Variants in COL4A2 observed in about 807,000 individuals in gnomAD.
The protein encoded by COL4A2 is collagen type IV alpha 2 chain, also known as collagen alpha-2(IV) chain.
In COL4A2, 99 loss-of-function variants were observed where a neutral mutation model predicts 200.2. The ratio of observed to expected loss-of-function variants is 0.49; its 90% confidence interval spans 0.42 to 0.58. COL4A2 has a LOEUF of 0.58. Ranked by LOEUF, COL4A2 falls within the 20% of genes least tolerant of loss-of-function variation. COL4A2 has a pLI of 0.00. For missense variants in COL4A2, 1,950 were observed against 2,314.1 expected, an observed-to-expected ratio of 0.84 and a Z score of 3.23; for synonymous variants, 897 against 900.6, an observed-to-expected ratio of 1.00 and a Z score of 0.07.
At chr13:110,427,726 CAA>C (rs1246033655) in intron 6 of COL4A2, among the ~76,000 whole-genome samples, 5 of 152,210 alleles carry the variant, frequency 3.3e-5, no homozygotes, top group Admixed American at 6.5e-5. Context: ...AAGATGCCCA[CAA>C]ATTTAGCCTG....
chr13:110,347,058 G>A (rs887425591), intron 3 of COL4A2, among the ~76,000 whole-genome samples: 5 of 152,174 alleles, frequency 3.3e-5, no homozygotes, highest in Admixed American at 6.5e-5. Context: ...CCTGCTTTTC[G>A]CCTCTAGAAA....
chr13:110,319,322 T>A (rs1461726884), intron 3 of COL4A2, among the ~76,000 whole-genome samples: 2 of 152,200 alleles, frequency 1.3e-5, no homozygotes, highest in African/African-American at 4.8e-5. Context: ...AGTCAAGGTG[T>A]AACTAACTTA....
chr13:110,487,413 G>A (rs960626342), intron 34 of COL4A2, among the ~76,000 whole-genome samples: 4 of 152,110 alleles, frequency 2.6e-5, no homozygotes, highest in East Asian at 1.9e-4. Context: ...AGATTGCGCC[G>A]TTGCACTCCA....
chr13:110,468,486 A>T (rs1279481494), intron 27 of COL4A2, among the ~76,000 whole-genome samples: 1 of 152,156 alleles, frequency 6.6e-6, no homozygotes, highest in Non-Finnish European at 1.5e-5. Context: ...AGCTCCAGTG[A>T]TGCGAGTGTG....
chr13:110,310,442 C>T (rs1884944390), intron 3 of COL4A2, among the ~76,000 whole-genome samples: 1 of 147,818 alleles, frequency 6.8e-6, no homozygotes, highest in Non-Finnish European at 1.5e-5. Flanking sequence ...ACTTTATTTT[C>T]CTGGGCTTTA....
At chr13:110,448,394 G>A (rs1228554936) in intron 18 of COL4A2, among the ~76,000 whole-genome samples, 9 of 152,142 alleles carry the variant, frequency 5.9e-5, no homozygotes, top group Admixed American at 1.3e-4. Flanking sequence ...TCCCACAAGC[G>A]GATTCAGAAA....
At chr13:110,350,196 T>C (rs985916828) in intron 3 of COL4A2, among the ~76,000 whole-genome samples, 3 of 152,246 alleles carry the variant, frequency 2.0e-5, no homozygotes, top group African/African-American at 7.2e-5. Flanking sequence ...AAAAAATGTC[T>C]GTTGCATTCC....
At chr13:110,358,740 G>C (rs887586921) in intron 4 of COL4A2, among the ~76,000 whole-genome samples, 2 of 152,164 alleles carry the variant, frequency 1.3e-5, no homozygotes, top group African/African-American at 4.8e-5. Flanking sequence ...TGAAATGAGA[G>C]TGTCTTAAAT....
At chr13:110,504,378 G>A (rs559970461) in intron 45 of COL4A2, 114 bp downstream of exon 45, 208 of 816,560 alleles carry the variant, frequency 2.5e-4, no homozygotes, top group Non-Finnish European at 2.9e-4. Context: ...GAAATGAGGC[G>A]CTGCCCCACC....
At chr13:110,380,299 C>T (rs1878414969) in intron 4 of COL4A2, among the ~76,000 whole-genome samples, 4 of 152,248 alleles carry the variant, frequency 2.6e-5, no homozygotes, top group Admixed American at 2.6e-4. Flanking sequence ...TTAGACTTTT[C>T]TCCCACCAGC....
At chr13:110,479,113 G>A (rs796722935) in intron 30 of COL4A2, among the ~76,000 whole-genome samples, 6 of 152,320 alleles carry the variant, frequency 3.9e-5, no homozygotes, top group East Asian at 1.9e-4. Context: ...AACCTGGACC[G>A]GAGGTTCAGG....
intron 3 of COL4A2, among the ~76,000 whole-genome samples, chr13:110,319,485 T>C (rs1360678157): frequency 1.2e-4 from 18 of 152,136 alleles, no homozygotes; most frequent in Admixed American, 1.2e-3. Flanking sequence ...GGAGAGAGTT[T>C]CCTTCTTGAG....
chr13:110,428,583 C>A lies in COL4A2; in HGVS notation c.477C>A (p.Pro159=). The change falls in exon 7 of 48, where the codon CCC becomes CCA. Residue 159 remains proline, a splice_region_variant and synonymous_variant. Transcript: ENST00000360467. ...PPGSEGFTGP[P]GPQGPKGQKG... Reference sequence around the variant, plus strand: ...GCTCTGAGGGGTTCACCGGGCCTCCCGTGAGTATCCCCACAGCGCCTGTGC... The same window carrying A: ...GCTCTGAGGGGTTCACCGGGCCTCCAGTGAGTATCCCCACAGCGCCTGTGC... The A allele has an allele frequency of 6.6e-7, 1 of 1,510,482 alleles. No homozygotes were observed. Among genetic ancestry groups the A allele is most frequent in the Non-Finnish European group, 8.9e-7 (1 of 1,125,882 alleles). The allele number at this position is 1,510,482 out of a possible 1,614,324, so 93.6% of individuals were successfully genotyped here.
intron 32 of COL4A2, 145 bp from the exon 33 acceptor site, chr13:110,484,760 C>A: frequency 3.3e-6 from 4 of 1,203,832 alleles, no homozygotes; most frequent in Non-Finnish European, 2.2e-6. Flanking sequence ...ACAGGAGAGG[C>A]TTCTCCGGCG....
At chr13:110,466,103 C>G (rs41275112) in intron 26 of COL4A2, 41 bp downstream of exon 26, 1 of 1,594,882 alleles carries the variant, frequency 6.3e-7, no homozygotes, top group African/African-American at 1.3e-5. Context: ...CACTAGAGAA[C>G]TCTCATTTGG....
chr13:110,484,777 GTC>G, intron 32 of COL4A2, 126 bp from the exon 33 acceptor site: 2 of 1,343,380 alleles, frequency 1.5e-6, no homozygotes, highest in South Asian at 2.0e-5. Flanking sequence ...GGCGCCCTTG[GTC>G]TCTCTCCAAG....
In COL4A2 at chr13:110,384,993, G is replaced by A. The variant is rs184031854; in HGVS notation, c.180+27441G>A. The stretch of plus-strand genomic sequence containing the variant: ...AAAAAGTTAAACAGAGGCCGGGCGC[G>A]GTGGCTCACGCCTGTAATCCTAGCA... On this transcript the variant is annotated intron_variant, in intron 4 of 47. Transcript: ENST00000360467. Among the ~76,000 whole-genome samples the A allele has an allele frequency of 7.2e-3, 1,089 of 152,260 alleles. 17 individuals are homozygous for A. The highest frequency in any genetic ancestry group is 0.025 in the African/African-American group (1,020 of 41,548).
At chr13:110,348,087 C>A (rs1876793469) in intron 3 of COL4A2, among the ~76,000 whole-genome samples, 1 of 152,238 alleles carries the variant, frequency 6.6e-6, no homozygotes, top group South Asian at 2.1e-4. Flanking sequence ...CTTTCTGGTT[C>A]TCCTGTTCCA....
intron 3 of COL4A2, among the ~76,000 whole-genome samples, chr13:110,343,456 C>A (rs891178495): frequency 5.9e-5 from 9 of 152,186 alleles, no homozygotes; most frequent in African/African-American, 1.9e-4. Context: ...AGGTACACGC[C>A]GTCTGAAAGC....
Sources: gnomAD v4.1 joint callset for allele counts (sites outside exome capture counted in the v4.1 genomes callset) on GRCh38, gnomAD v4.1.1 for gene constraint, MANE v1.5 for transcripts, NCBI Gene and HGNC (gene_info 2026-07-23, HGNC 2026-07-21) for gene names.